The following DOCK8 variants were observed in gnomAD, a reference collection of about 807,000 sequenced individuals.
The protein encoded by DOCK8 is dedicator of cytokinesis protein 8.
A neutral mutation model predicts 245.6 loss-of-function variants in DOCK8; 141 were observed. The observed-to-expected ratio is 0.57, with a 90% CI of 0.50 to 0.66. The LOEUF is 0.66. Among genes scored for constraint, DOCK8 ranks in the 30% least tolerant of loss-of-function variants. The probability of loss-of-function intolerance (pLI) is 0.00; values close to 1 mark genes in which losing one functional copy is unlikely to be tolerated. For missense variants in DOCK8, 2,965 were observed against 2,603.4 expected, an observed-to-expected ratio of 1.14 and a Z score of -3.02; for synonymous variants, 1,168 against 970.2, an observed-to-expected ratio of 1.20 and a Z score of -3.79.
intron 4 of DOCK8, among the ~76,000 whole-genome samples, chr9:294,882 G>A (rs1328130859): frequency 1.3e-5 from 2 of 152,136 alleles, no homozygotes; most frequent in East Asian, 1.9e-4. Context: ...GACAAAGGCC[G>A]GGCATGGTGG....
intron 21 of DOCK8, chr9:380,136 T>C (rs2053683839): frequency 1.7e-5 from 4 of 241,368 alleles, no homozygotes; most frequent in South Asian, 1.1e-4. Flanking sequence ...GAGGCTGAGA[T>C]GGCAGGATCG....
intron 21 of DOCK8, among the ~76,000 whole-genome samples, chr9:382,036 T>C (rs558175754): frequency 1.3e-5 from 2 of 152,106 alleles, no homozygotes; most frequent in Non-Finnish European, 2.9e-5. Flanking sequence ...CATTTAAAGA[T>C]GAAAAACAGT....
Position 414,919 on chromosome 9 carries a change from T to G in DOCK8, c.3668T>G (p.Leu1223Trp). The G allele has an allele frequency of 6.2e-7, 1 of 1,614,080 alleles. No homozygotes were observed. The change falls in exon 29 of 48, where the codon TTG (leucine) becomes TGG (tryptophan). Residue 1223 changes from leucine to tryptophan, a missense_variant. Around this residue, in one of 3 missense-constraint regions of DOCK8, gnomAD observed 2,825 missense variants for 2,453.5 expected, o/e 1.15. Coordinates refer to ENST00000432829, the MANE Select transcript of DOCK8 (RefSeq NM_203447.4). ...ALYLPLVGII[L>W]DALPQLCDFT... ...TACCTACCTTTAGTTGGCATCATTT[T>G]GGATGCTTTGCCACAGCTCTGTGAC...
At chr9:439,430 TC>T in intron 40 of DOCK8, 42 bp downstream of exon 40, 1 of 1,607,484 alleles carries the variant, frequency 6.2e-7, no homozygotes, top group Non-Finnish European at 8.5e-7. Flanking sequence ...CCTCCCATAC[TC>T]CAGCTGGACT....
chr9:314,279 C>T (rs2050250466), intron 6 of DOCK8: 1 of 152,190 alleles, frequency 6.6e-6, no homozygotes, highest in Admixed American at 6.5e-5. Context: ...ACTTTCCTTC[C>T]TCTTCCTCTC....
At chr9:412,418 A>T (rs1180749290) in intron 28 of DOCK8, among the ~76,000 whole-genome samples, 1 of 151,526 alleles carries the variant, frequency 6.6e-6, no homozygotes, top group Non-Finnish European at 1.5e-5. Context: ...AAAAAAAAAA[A>T]AAAGAAAAAG....
At chr9:369,404 GA>G (rs2053177917) in intron 15 of DOCK8, 1 of 152,252 alleles carries the variant, frequency 6.6e-6, no homozygotes, top group African/African-American at 2.4e-5. Context: ...CTGGTGTTGG[GA>G]TTACTGCATC....
chr9:413,209 C>G (rs977456173), intron 28 of DOCK8, among the ~76,000 whole-genome samples: 11 of 152,042 alleles, frequency 7.2e-5, no homozygotes, highest in Admixed American at 6.6e-5. Context: ...TATCCACACT[C>G]AAAAGAATGA....
At chr9:336,247 A>G (rs1351638484) in intron 11 of DOCK8, among the ~76,000 whole-genome samples, 4 of 152,330 alleles carry the variant, frequency 2.6e-5, no homozygotes, top group East Asian at 3.9e-4. Flanking sequence ...AAGAAAAGCA[A>G]ACACTGTGCT....
At chr9:448,647 TCTC>T (rs2057337609) in intron 44 of DOCK8, among the ~76,000 whole-genome samples, 1 of 152,186 alleles carries the variant, frequency 6.6e-6, no homozygotes, top group Non-Finnish European at 1.5e-5. Flanking sequence ...ACAGCCCTCT[TCTC>T]CCTGTGTCTC....
chr9:246,681 A>T (rs2047513156), intron 1 of DOCK8, among the ~76,000 whole-genome samples: 1 of 152,212 alleles, frequency 6.6e-6, no homozygotes, highest in Admixed American at 6.5e-5. Flanking sequence ...GTATAAAATG[A>T]TGATATTTTC....
At chr9:427,922 T>A (rs2056559700) in intron 34 of DOCK8, among the ~76,000 whole-genome samples, 1 of 152,238 alleles carries the variant, frequency 6.6e-6, no homozygotes, top group African/African-American at 2.4e-5. Context: ...AACCTTTTGT[T>A]ATTATCCTTG....
chr9:346,652 C>T (rs1302575943), intron 14 of DOCK8, among the ~76,000 whole-genome samples: 2 of 152,064 alleles, frequency 1.3e-5, no homozygotes, highest in Non-Finnish European at 2.9e-5. Context: ...GGATAATTAG[C>T]TGTTTTCAGG....
At chr9:328,229 A>G in intron 9 of DOCK8, 58 bp downstream of exon 9, 1 of 1,569,960 alleles carries the variant, frequency 6.4e-7, no homozygotes, top group Non-Finnish European at 8.7e-7. Context: ...TGTTGTTCCC[A>G]GCACATGTTT....
chr9:344,812 C>CCA (rs554492648), intron 14 of DOCK8, among the ~76,000 whole-genome samples: 135 of 152,258 alleles, frequency 8.9e-4, no homozygotes, highest in African/African-American at 3.1e-3. Flanking sequence ...CTTTCGGAGG[C>CCA]CAAGGCAGGT....
At chr9:384,976 T>C (rs553395711) in intron 22 of DOCK8, among the ~76,000 whole-genome samples, 1 of 152,314 alleles carries the variant, frequency 6.6e-6, no homozygotes, top group African/African-American at 2.4e-5. Flanking sequence ...CCTGAGATGC[T>C]GATGATCTGT....
At chr9:324,369 T>C (rs539319300) in intron 7 of DOCK8, among the ~76,000 whole-genome samples, 1 of 152,280 alleles carries the variant, frequency 6.6e-6, no homozygotes, top group South Asian at 2.1e-4. Flanking sequence ...TCTGAGGTAA[T>C]GGTGGACTGG....
intron 1 of DOCK8, among the ~76,000 whole-genome samples, chr9:216,420 C>A (rs1466214229): frequency 2.0e-5 from 3 of 151,094 alleles, no homozygotes. Flanking sequence ...CCTGTAGCCC[C>A]AGCTATTCAA....
chr9:463,436 A>G, intron 46 of DOCK8, 81 bp from the exon 47 acceptor site: 1 of 1,561,958 alleles, frequency 6.4e-7, no homozygotes, highest in Non-Finnish European at 8.8e-7. Context: ...TATTCGAAAA[A>G]TCGTAAGTAA....
Sources: allele counts gnomAD v4.1 joint callset (sites outside exome capture counted in the v4.1 genomes callset), GRCh38; gene constraint gnomAD v4.1.1; regional missense constraint gnomAD v4.1.1; transcripts MANE v1.5; gene names NCBI Gene and HGNC (gene_info 2026-07-23, HGNC 2026-07-21).